Variants in LMCD1 observed in about 807,000 individuals in gnomAD.
The protein encoded by LMCD1 is LIM and cysteine rich domains 1, also known as LIM and cysteine-rich domains protein 1.
LMCD1 carries 32 observed loss-of-function variants against 42.7 expected under a neutral mutation model. The ratio of observed to expected loss-of-function variants is 0.75; its 90% CI spans 0.57 to 1.01. The LOEUF is 1.01. Ranked by LOEUF, LMCD1 falls within the 50% of genes least tolerant of loss-of-function variation. LMCD1 has a pLI of 0.00. For missense variants in LMCD1, 458 were observed against 483.1 expected, an observed-to-expected ratio of 0.95 and a Z score of 0.49; for synonymous variants, 178 against 184.9, an observed-to-expected ratio of 0.96 and a Z score of 0.30.
intron 4 of LMCD1, among the ~76,000 whole-genome samples, chr3:8,554,499 C>T (rs1271088904): frequency 6.6e-6 from 1 of 152,190 alleles, no homozygotes; most frequent in Non-Finnish European, 1.5e-5. Flanking sequence ...GTACTGAGAA[C>T]AATGAAAGGA....
chr3:8,526,747 A>C (rs1694310169), intron 1 of LMCD1, among the ~76,000 whole-genome samples: 2 of 152,170 alleles, frequency 1.3e-5, no homozygotes, highest in South Asian at 4.1e-4. Flanking sequence ...CCTCCCTTGT[A>C]GAGTTGTTGT....
At position 8,542,069 on chromosome 3, in the gene LMCD1, A is replaced by G. The variant is rs1447518256; in HGVS notation, c.387+4629A>G. On this transcript the variant is annotated intron_variant, in intron 3 of 5. Coordinates refer to ENST00000157600, the MANE Select transcript of LMCD1 (RefSeq NM_014583.4). ...TGTCGCAGTGGCAGGATCTGATCTC[A>G]CTACAACCTCCGCCTCCTGGGTTCA... 1.5e-5 allele frequency among the ~76,000 whole-genome samples: 2 copies of G among 129,568 alleles called. 1 individual carries two copies. The highest frequency in any genetic ancestry group is 3.1e-5 in the Non-Finnish European group (2 of 65,378). The allele number at this position is 129,568 out of a possible 152,430, so 85.0% of individuals were successfully genotyped here.
intron 1 of LMCD1, among the ~76,000 whole-genome samples, chr3:8,506,797 A>G (rs1008437950): frequency 2.6e-5 from 4 of 152,174 alleles, no homozygotes; most frequent in African/African-American, 9.7e-5. Flanking sequence ...TCACTGGGTG[A>G]CTTTGGATAG....
At chr3:8,562,768 AT>A (rs1559358260) in intron 4 of LMCD1, among the ~76,000 whole-genome samples, 1 of 151,806 alleles carries the variant, frequency 6.6e-6, no homozygotes. Context: ...TTTTTTATAT[AT>A]TTATTTTCTG....
chr3:8,529,521 T>C (rs1376830995), intron 1 of LMCD1, among the ~76,000 whole-genome samples: 1 of 152,164 alleles, frequency 6.6e-6, no homozygotes, highest in South Asian at 2.1e-4. Context: ...TTGTGCTTGT[T>C]GAGATTTTAA....
chr3:8,506,007 T>C (rs1311209035), intron 1 of LMCD1, among the ~76,000 whole-genome samples: 1 of 152,246 alleles, frequency 6.6e-6, no homozygotes, highest in East Asian at 1.9e-4. Context: ...TTTTTTGCCA[T>C]AATAGAGCCT....
At chr3:8,546,119 C>T (rs148854594) in intron 3 of LMCD1, among the ~76,000 whole-genome samples, 6 of 151,746 alleles carry the variant, frequency 4.0e-5, no homozygotes, top group African/African-American at 1.5e-4. Flanking sequence ...GGTGACAGAG[C>T]GAGACTCTGT....
In LMCD1 at chr3:8,502,569, T is replaced by TAC. The variant is rs5846600; in HGVS notation, c.42+626_42+627dup. 7.6e-3 allele frequency among the ~76,000 whole-genome samples: 1,024 copies of TAC among 134,404 alleles called. 4 individuals carry two copies. The highest frequency in any genetic ancestry group is 0.022 in the South Asian group (89 of 4,054). The allele number at this position is 134,404 out of a possible 152,430, so 88.2% of individuals were successfully genotyped here. ...CCAGTGTTTTGTGTGTTTCCCCCAATACACACACACACACACACACACACA... is the reference window on the plus strand; with the variant it reads ...CCAGTGTTTTGTGTGTTTCCCCCAATACACACACACACACACACACACACACA... On this transcript the variant is annotated intron_variant, in intron 1 of 5. Coordinates refer to ENST00000157600, the MANE Select transcript of LMCD1 (RefSeq NM_014583.4).
At position 8,546,821 on chromosome 3, in the gene LMCD1, G is replaced by A. The variant is rs538807991; in HGVS notation, c.388-1747G>A. ...GTGGGGCCAGTGAGAAGAGAGCGCCGAGTGGGACACAGGTTTTGTGAGGGC... is the reference window on the plus strand; with the variant it reads ...GTGGGGCCAGTGAGAAGAGAGCGCCAAGTGGGACACAGGTTTTGTGAGGGC... On this transcript the variant is annotated intron_variant, in intron 3 of 5. Coordinates refer to ENST00000157600, the MANE Select transcript of LMCD1 (RefSeq NM_014583.4). Among the ~76,000 whole-genome samples the A allele has an allele frequency of 4.6e-5, 7 of 152,284 alleles. No individual in the cohort carries two copies. The South Asian group carries it at 6.2e-4, about 14-fold the overall frequency.
intron 4 of LMCD1, among the ~76,000 whole-genome samples, chr3:8,552,423 C>G (rs993054286): frequency 6.6e-6 from 1 of 152,136 alleles, no homozygotes; most frequent in African/African-American, 2.4e-5. Flanking sequence ...CTTCTCAGAG[C>G]CTTTAGTAGG....
chr3:8,573,062 T>A lies in LMCD1; in HGVS notation c.*5464T>A, dbSNP rs546850846. 8.0e-4 allele frequency: 122 copies of A among 152,312 alleles called. No individual in the cohort carries two copies. The highest frequency in any genetic ancestry group is 2.9e-3 in the African/African-American group (121 of 41,552). The allele number at this position is 152,312 out of a possible 1,614,324, so 9.4% of individuals were successfully genotyped here. ...TGGACTGCTTGCTACATGAGACAAT[T>A]GATTTTCTTATTTTCTATGTAGGGT... On this transcript the variant is annotated 3_prime_UTR_variant, in exon 6 of 6. Transcript: ENST00000157600.
At chr3:8,565,310 A>G in intron 4 of LMCD1, 122 bp from the exon 5 acceptor site, 1 of 761,054 alleles carries the variant, frequency 1.3e-6, no homozygotes. Context: ...TGAGGCACGA[A>G]GAGGTATAGT....
At chr3:8,554,996 C>T (rs954632562) in intron 4 of LMCD1, among the ~76,000 whole-genome samples, 5 of 152,154 alleles carry the variant, frequency 3.3e-5, no homozygotes, top group Non-Finnish European at 5.9e-5. Flanking sequence ...GGCCAAGTGA[C>T]TGCCCCAAAA....
intron 3 of LMCD1, 168 bp downstream of exon 3, chr3:8,537,608 T>C: frequency 1.4e-6 from 1 of 717,072 alleles, no homozygotes; most frequent in Non-Finnish European, 2.2e-6. Context: ...TGTTGAGAAA[T>C]GAAGACTATC....
chr3:8,519,058 A>G (rs1559346457), intron 1 of LMCD1, among the ~76,000 whole-genome samples: 1 of 152,242 alleles, frequency 6.6e-6, no homozygotes, highest in Non-Finnish European at 1.5e-5. Flanking sequence ...TTGAGGAGCC[A>G]CTATGTGCAA....
chr3:8,550,475 G>A (rs1694821416), intron 4 of LMCD1: 1 of 985,432 alleles, frequency 1.0e-6, no homozygotes, highest in Non-Finnish European at 1.2e-6. Context: ...TTTCTCCCTT[G>A]TAGTCACTCA....
intron 4 of LMCD1, among the ~76,000 whole-genome samples, chr3:8,552,014 T>C (rs1694850579): frequency 6.6e-6 from 1 of 152,064 alleles, no homozygotes; most frequent in Non-Finnish European, 1.5e-5. Context: ...GAACAGAGAT[T>C]AACGGGAGAA....
intron 3 of LMCD1, among the ~76,000 whole-genome samples, chr3:8,539,699 A>G (rs578083683): frequency 6.6e-6 from 1 of 152,210 alleles, no homozygotes; most frequent in Non-Finnish European, 1.5e-5. Context: ...ACATGGCTGT[A>G]AAGAACCCCT....
At chr3:8,567,379 T>C in intron 5 of LMCD1, 61 bp from the exon 6 acceptor site, 1 of 1,560,710 alleles carries the variant, frequency 6.4e-7, no homozygotes, top group Non-Finnish European at 8.8e-7. Context: ...TTGTCCTAGA[T>C]ATACCGTCTC....
Sources: gnomAD v4.1 joint callset for allele counts (sites outside exome capture counted in the v4.1 genomes callset) on GRCh38, gnomAD v4.1.1 for gene constraint, MANE v1.5 for transcripts, NCBI Gene and HGNC (gene_info 2026-07-23, HGNC 2026-07-21) for gene names.